DPP10: variants seen among roughly 807,000 people sequenced by gnomAD.
DPP10 encodes the protein inactive dipeptidyl peptidase 10.
A neutral mutation model predicts 120.9 loss-of-function variants in DPP10; 33 were observed. That is an observed-to-expected ratio of 0.27 (90% CI 0.21 to 0.37). The LOEUF is 0.37. Ranked by LOEUF, DPP10 falls within the 10% of genes least tolerant of loss-of-function variation. DPP10 has a pLI of 1.00. For synonymous variants in DPP10, 337 were observed against 326.1 expected (o/e 1.03, Z -0.36); for missense variants, 816 against 942.8 (o/e 0.87, Z 1.76).
intron 3 of DPP10, among the ~76,000 whole-genome samples, chr2:115,365,064 T>G (rs2065002469): frequency 3.3e-5 from 5 of 152,154 alleles, no homozygotes; most frequent in Admixed American, 3.3e-4. Context: ...CATGTATATA[T>G]AAAGACTAAT....
chr2:115,221,071 T>A (rs1293825559), intron 1 of DPP10, among the ~76,000 whole-genome samples: 3 of 152,152 alleles, frequency 2.0e-5, no homozygotes, highest in Non-Finnish European at 2.9e-5. Context: ...CAATATTTGT[T>A]GCATTTATAT....
intron 7 of DPP10, among the ~76,000 whole-genome samples, chr2:115,697,580 G>A (rs1452065046): frequency 1.4e-5 from 2 of 140,716 alleles, no homozygotes; most frequent in Admixed American, 7.0e-5. Context: ...TAATTGAAGG[G>A]AATATATATA....
At chr2:115,668,012 ATTG>A (rs1421445094) in intron 5 of DPP10, among the ~76,000 whole-genome samples, 2 of 151,906 alleles carry the variant, frequency 1.3e-5, no homozygotes, top group Admixed American at 6.6e-5. Context: ...GCTTAGTTCT[ATTG>A]TTTTATCTTT....
chr2:115,667,621 T>G (rs2089559890), intron 5 of DPP10, among the ~76,000 whole-genome samples: 1 of 152,152 alleles, frequency 6.6e-6, no homozygotes, highest in Admixed American at 6.6e-5. Context: ...TTGCTTGTTT[T>G]TGTTGACTTT....
At chr2:115,332,321 C>A (rs892181400) in intron 2 of DPP10, among the ~76,000 whole-genome samples, 1 of 152,006 alleles carries the variant, frequency 6.6e-6, no homozygotes, top group Admixed American at 6.6e-5. Context: ...CTCTTTACTT[C>A]TTTATTAGTT....
In DPP10 at chr2:115,542,856, C is replaced by T. The variant is rs551242650; in HGVS notation, c.441+16884C>T. On this transcript the variant is annotated intron_variant, in intron 5 of 25. Transcript: ENST00000410059. Reference sequence around the variant, plus strand: ...ACTCTGAAGAGATTGAAAGAATTATCCCTTCCCTACGTGTGTAGCAAAATG... The same window carrying T: ...ACTCTGAAGAGATTGAAAGAATTATTCCTTCCCTACGTGTGTAGCAAAATG... Among the ~76,000 whole-genome samples, 37 of 151,942 alleles carry T rather than the reference C, an allele frequency of 2.4e-4. 1 individual carries two copies. The South Asian group carries it at 7.3e-3, about 30-fold the overall frequency.
chr2:114,929,387 C>T (rs1364692318), intron 1 of DPP10, among the ~76,000 whole-genome samples: 1 of 152,300 alleles, frequency 6.6e-6, no homozygotes, highest in East Asian at 1.9e-4. Flanking sequence ...AGCCTGAGGG[C>T]ATTGCAGCAG....
At chr2:115,258,659 A>G (rs2059116283) in intron 1 of DPP10, among the ~76,000 whole-genome samples, 1 of 152,170 alleles carries the variant, frequency 6.6e-6, no homozygotes, top group African/African-American at 2.4e-5. Context: ...ATGTGCTTAC[A>G]CACATTGGGA....
chr2:114,530,967 A>G (rs1685926248), intron 1 of DPP10, among the ~76,000 whole-genome samples: 1 of 152,150 alleles, frequency 6.6e-6, no homozygotes, highest in East Asian at 1.9e-4. Flanking sequence ...ATTAACAGAA[A>G]AAAAAACATG....
intron 1 of DPP10, among the ~76,000 whole-genome samples, chr2:114,700,163 A>G (rs184275144): frequency 6.6e-6 from 1 of 152,138 alleles, no homozygotes; most frequent in African/African-American, 2.4e-5. Flanking sequence ...ATGGAGGAGG[A>G]GTAACTGTTC....
intron 5 of DPP10, chr2:115,579,809 A>G (rs1053836894): frequency 9.9e-5 from 15 of 152,232 alleles, no homozygotes; most frequent in Middle Eastern, 3.4e-3. Context: ...TTTTTTAAAA[A>G]TTAATTTTAA....
chr2:115,667,826 T>G (rs1466556437), intron 5 of DPP10, among the ~76,000 whole-genome samples: 3 of 151,980 alleles, frequency 2.0e-5, no homozygotes, highest in Non-Finnish European at 4.4e-5. Flanking sequence ...TCCTTCTTTC[T>G]TATATTATAT....
At chr2:114,731,180 CT>C (rs1340782633) in intron 1 of DPP10, among the ~76,000 whole-genome samples, 1 of 151,428 alleles carries the variant, frequency 6.6e-6, no homozygotes, top group African/African-American at 2.4e-5. Flanking sequence ...GCTTCTCTGA[CT>C]GATTTGTCCA....
chr2:114,636,907 G>C (rs1290923694), intron 1 of DPP10, among the ~76,000 whole-genome samples: 1 of 151,866 alleles, frequency 6.6e-6, no homozygotes, highest in Non-Finnish European at 1.5e-5. Context: ...AATATGTAAA[G>C]AGGCTCAAAT....
At chr2:114,906,905 G>A (rs143258966) in intron 1 of DPP10, among the ~76,000 whole-genome samples, 3 of 152,140 alleles carry the variant, frequency 2.0e-5, no homozygotes, top group Non-Finnish European at 2.9e-5. Flanking sequence ...AAATTTGCGA[G>A]AGAGAGGTGT....
intron 3 of DPP10, among the ~76,000 whole-genome samples, chr2:115,394,211 A>G (rs2067511090): frequency 6.6e-6 from 1 of 152,194 alleles, no homozygotes; most frequent in Admixed American, 6.5e-5. Flanking sequence ...TGAAACTAGT[A>G]GAGCCTTAGT....
At chr2:114,467,220 C>T (rs1679474309) in intron 1 of DPP10, among the ~76,000 whole-genome samples, 2 of 152,046 alleles carry the variant, frequency 1.3e-5, no homozygotes, top group Non-Finnish European at 2.9e-5. Flanking sequence ...ATGGTTTTAA[C>T]ATATTATTCA....
chr2:115,477,813 G>A (rs778336073), intron 3 of DPP10, among the ~76,000 whole-genome samples: 7 of 151,998 alleles, frequency 4.6e-5, no homozygotes, highest in Non-Finnish European at 1.0e-4. Flanking sequence ...TTTGTGTGTT[G>A]CTATTATACA....
chr2:115,244,968 A>G (rs557349943), intron 1 of DPP10, among the ~76,000 whole-genome samples: 6 of 151,808 alleles, frequency 4.0e-5, no homozygotes, highest in East Asian at 1.9e-4. Flanking sequence ...AGTGTACCCA[A>G]TGTATAGCCT....
Sources: allele counts gnomAD v4.1 joint callset (sites outside exome capture counted in the v4.1 genomes callset), GRCh38; gene constraint gnomAD v4.1.1; transcripts MANE v1.5; gene names NCBI Gene and HGNC (gene_info 2026-07-23, HGNC 2026-07-21).